ADPGK: variants seen among roughly 807,000 people sequenced by gnomAD.
ADPGK encodes the protein ADP-dependent glucokinase.
A neutral mutation model predicts 42.4 loss-of-function variants in ADPGK; 26 were observed. The ratio of observed to expected loss-of-function variants is 0.61; its 90% confidence interval spans 0.45 to 0.85. The LOEUF (loss-of-function observed/expected upper bound fraction) is 0.85. Ranked by LOEUF, ADPGK falls within the 40% of genes least tolerant of loss-of-function variation. The pLI, the probability that ADPGK is intolerant of heterozygous loss-of-function variation, is 0.00. For missense variants in ADPGK, 571 were observed against 627.0 expected (o/e 0.91, Z 0.95); for synonymous variants, 267 against 252.6 (o/e 1.06, Z -0.54).
At chr15:72,779,244 G>GTTTTTTT (rs35321622) in intron 1 of ADPGK, among the ~76,000 whole-genome samples, 6 of 107,220 alleles carry the variant, frequency 5.6e-5, no homozygotes, top group African/African-American at 7.3e-5. Flanking sequence ...TAGCATGAGG[G>GTTTTTTT]TTTTTTTTTT....
chr15:72,764,074 G>C (rs2066228214), intron 3 of ADPGK, among the ~76,000 whole-genome samples: 1 of 152,184 alleles, frequency 6.6e-6, no homozygotes, highest in Non-Finnish European at 1.5e-5. Flanking sequence ...AATTAGGCCA[G>C]TTAATAACCC....
At chr15:72,772,156 C>T (rs1433158801) in intron 2 of ADPGK, among the ~76,000 whole-genome samples, 2 of 152,194 alleles carry the variant, frequency 1.3e-5, no homozygotes, top group African/African-American at 4.8e-5. Context: ...CAGGGCTTAT[C>T]GTCTACATTA....
intron 3 of ADPGK, among the ~76,000 whole-genome samples, chr15:72,769,695 C>T (rs970448509): frequency 1.3e-5 from 2 of 152,142 alleles, no homozygotes; most frequent in African/African-American, 4.8e-5. Flanking sequence ...ACTAAACCTG[C>T]CTTTACTATA....
At chr15:72,761,551 T>G (rs2066193088) in intron 3 of ADPGK, among the ~76,000 whole-genome samples, 1 of 152,184 alleles carries the variant, frequency 6.6e-6, no homozygotes, top group Non-Finnish European at 1.5e-5. Context: ...AGAAGCCATT[T>G]CGTATCTGTT....
At chr15:72,760,261 G>A in intron 4 of ADPGK, 146 bp downstream of exon 4, 2 of 1,055,204 alleles carry the variant, frequency 1.9e-6, no homozygotes, top group East Asian at 5.5e-5. Context: ...CAGCTCAGTA[G>A]AACCAATAGG....
rs747439467 is a variant in ADPGK at position 72,752,302 on chromosome 15, A to G, written c.*39T>C. On this transcript the variant is annotated 3_prime_UTR_variant, in exon 7 of 7. Transcript: ENST00000456471. ...TCTTCCTGTAATTCTTAAGTTGGCT[A>G]GTTCTCCTTCCTCAGAAAAATTACC... The G allele has an allele frequency of 2.6e-6, 4 of 1,551,282 alleles. No homozygotes were observed. The highest frequency in any genetic ancestry group is 3.5e-6 in the Non-Finnish European group (4 of 1,146,884).
intron 3 of ADPGK, among the ~76,000 whole-genome samples, chr15:72,763,784 G>A (rs1198653375): frequency 1.3e-5 from 2 of 152,244 alleles, no homozygotes; most frequent in African/African-American, 4.8e-5. Context: ...GGTCCCCTAT[G>A]GGCACCATTT....
intron 1 of ADPGK, among the ~76,000 whole-genome samples, chr15:72,780,572 C>T (rs2066445459): frequency 6.6e-6 from 1 of 152,150 alleles, no homozygotes; most frequent in Non-Finnish European, 1.5e-5. Flanking sequence ...AGATGGGAGG[C>T]CAAGGCCTGA....
chr15:72,783,435 G>T, intron 1 of ADPGK, 24 bp downstream of exon 1: 1 of 1,334,368 alleles, frequency 7.5e-7, no homozygotes, highest in South Asian at 1.9e-5. Flanking sequence ...GAGGCTCAGA[G>T]ACCCAGGCCC....
intron 3 of ADPGK, 98 bp downstream of exon 3, chr15:72,771,685 T>C (rs2066330149): frequency 4.5e-6 from 5 of 1,116,644 alleles, no homozygotes; most frequent in African/African-American, 3.1e-5. Flanking sequence ...TAGTAGGTGA[T>C]CCATAAGTTG....
chr15:72,764,770 C>T (rs747008307), intron 3 of ADPGK, among the ~76,000 whole-genome samples: 3 of 152,154 alleles, frequency 2.0e-5, no homozygotes, highest in Non-Finnish European at 4.4e-5. Flanking sequence ...TCAATGCCTA[C>T]CTTCAAAGCT....
At chr15:72,772,108 A>C (rs994598879) in intron 2 of ADPGK, among the ~76,000 whole-genome samples, 2 of 152,236 alleles carry the variant, frequency 1.3e-5, no homozygotes, top group African/African-American at 4.8e-5. Flanking sequence ...GAGCTTACAG[A>C]CAGCCAGAAG....
chr15:72,761,746 T>C (rs560722206), intron 3 of ADPGK, among the ~76,000 whole-genome samples: 1 of 151,774 alleles, frequency 6.6e-6, no homozygotes, highest in East Asian at 1.9e-4. Flanking sequence ...TTGCCCAGGC[T>C]GGAGTGCAGT....
At chr15:72,754,709 G>A (rs761954113) in intron 6 of ADPGK, among the ~76,000 whole-genome samples, 1 of 152,138 alleles carries the variant, frequency 6.6e-6, no homozygotes, top group African/African-American at 2.4e-5. Context: ...TAACCATATG[G>A]CTATGAAAAG....
In ADPGK at chr15:72,756,297, A is replaced by G; in HGVS notation, c.794T>C (p.Met265Thr). The part of the protein sequence containing the change: ...PDLVVLSGLH[M>T]MEGQSKELQR... ...GAGCTCCTTGCTTTGTCCCTCCATC[A>G]TGTGCAATCCAGAGAGGACCACCAG... Residue 265 changes from methionine to threonine, a missense_variant, in exon 5 of 7, where the codon ATG becomes ACG. Coordinates refer to ENST00000456471, the MANE Select transcript of ADPGK (RefSeq NM_001365225.1). The G allele has an allele frequency of 6.2e-7, 1 of 1,614,182 alleles. No individual in the cohort carries two copies. Among genetic ancestry groups the G allele is most frequent in the Non-Finnish European group, 8.5e-7 (1 of 1,180,016 alleles).
chr15:72,768,447 A>G (rs2097754613), intron 3 of ADPGK, among the ~76,000 whole-genome samples: 1 of 152,184 alleles, frequency 6.6e-6, no homozygotes, highest in Non-Finnish European at 1.5e-5. Flanking sequence ...CAGGTGGATT[A>G]CTTGCAATCA....
intron 1 of ADPGK, 106 bp from the exon 2 acceptor site, chr15:72,775,203 C>A: frequency 1.0e-6 from 1 of 970,970 alleles, no homozygotes; most frequent in Non-Finnish European, 1.6e-6. Context: ...ACAGAAAAAA[C>A]AGGAAGTAGG....
chr15:72,754,301 C>A (rs1008885508), intron 6 of ADPGK, among the ~76,000 whole-genome samples: 1 of 152,094 alleles, frequency 6.6e-6, no homozygotes, highest in African/African-American at 2.4e-5. Context: ...GAACCGCCCC[C>A]GCCGCCCCAC....
chr15:72,771,892 A>G (rs2066333253), intron 2 of ADPGK, 47 bp from the exon 3 acceptor site: 2 of 1,420,038 alleles, frequency 1.4e-6, no homozygotes, highest in East Asian at 4.7e-5. Flanking sequence ...ATACAACTAT[A>G]TCACCCAAGT....
Sources: gnomAD v4.1 joint callset for allele counts (sites outside exome capture counted in the v4.1 genomes callset) on GRCh38, gnomAD v4.1.1 for gene constraint, MANE v1.5 for transcripts, NCBI Gene and HGNC (gene_info 2026-07-23, HGNC 2026-07-21) for gene names.